Variants in DAB1 observed in about 807,000 individuals in gnomAD.
DAB1 encodes the protein DAB adaptor protein 1.
DAB1 carries 15 observed loss-of-function variants against 64.6 expected under a neutral mutation model. The ratio of observed to expected loss-of-function variants is 0.23; its 90% CI spans 0.16 to 0.36. The LOEUF is 0.36. Ranked by LOEUF, DAB1 falls within the 10% of genes least tolerant of loss-of-function variation. DAB1 has a pLI of 1.00. For synonymous variants in DAB1, 235 were observed against 251.9 expected (o/e 0.93, Z 0.64); for missense variants, 596 against 706.7 (o/e 0.84, Z 1.78).
Position 57,958,700 on chromosome 1 carries a change from T to C in DAB1, n.388-74538A>G, listed in dbSNP as rs144731319. Among the ~76,000 whole-genome samples, 149 of 152,216 alleles carry C rather than the reference T, an allele frequency of 9.8e-4. 3 individuals carry two copies. In the East Asian group the frequency reaches 0.024, roughly 25 times the overall value. On this transcript the variant is annotated intron_variant and non_coding_transcript_variant, in intron 5 of 20. Coordinates refer to the DAB1 transcript ENST00000485760. ...TGGGGGTAGAAGTCCACAATCAAGG[T>C]TTCAGCAGGGTGGATTCTTCTAAGG...
intron 2 of DAB1, among the ~76,000 whole-genome samples, chr1:57,210,883 C>A (rs1248824466): frequency 1.3e-5 from 2 of 152,278 alleles, no homozygotes; most frequent in African/African-American, 4.8e-5. Context: ...TACATCCATA[C>A]ACAAATAATA....
At chr1:58,162,988 G>A (rs900141170) in intron 4 of DAB1, among the ~76,000 whole-genome samples, 2 of 152,128 alleles carry the variant, frequency 1.3e-5, no homozygotes, top group Admixed American at 6.6e-5. Flanking sequence ...AGAGGACAGG[G>A]TGCTGCTAAA....
intron 7 of DAB1, among the ~76,000 whole-genome samples, chr1:57,438,975 C>T (rs901409091): frequency 3.3e-5 from 5 of 152,174 alleles, no homozygotes; most frequent in African/African-American, 9.7e-5. Flanking sequence ...TGACTCCACT[C>T]TCAGCTCTGG....
At chr1:57,715,534 A>G (rs758728300) in intron 6 of DAB1, among the ~76,000 whole-genome samples, 20 of 152,228 alleles carry the variant, frequency 1.3e-4, no homozygotes, top group African/African-American at 4.8e-5. Context: ...ATATATACGT[A>G]TCGAAAACTC....
intron 1 of DAB1, among the ~76,000 whole-genome samples, chr1:57,839,035 C>T (rs1652935333): frequency 6.6e-6 from 1 of 152,034 alleles, no homozygotes; most frequent in Non-Finnish European, 1.5e-5. Flanking sequence ...CCCATCTAGG[C>T]CTCCCAAAGT....
Position 58,429,201 on chromosome 1 carries a change from T to C in DAB1, n.257+76859A>G, listed in dbSNP as rs187573782. On this transcript the variant is annotated intron_variant and non_coding_transcript_variant, in intron 3 of 20. Transcript: ENST00000485760. ...AAGGAGGATCACTTGAGGACAGGAGTTCAAGACTAACATAACAAGACTCTG... is the reference window on the plus strand; with the variant it reads ...AAGGAGGATCACTTGAGGACAGGAGCTCAAGACTAACATAACAAGACTCTG... Among the ~76,000 whole-genome samples the C allele has an allele frequency of 9.9e-5, 15 of 152,032 alleles. No homozygotes were observed. The East Asian group carries it at 2.9e-3, about 29-fold the overall frequency.
At chr1:57,502,334 A>AG (rs982128932) in intron 7 of DAB1, among the ~76,000 whole-genome samples, 5 of 151,208 alleles carry the variant, frequency 3.3e-5, no homozygotes, top group African/African-American at 4.8e-5. Context: ...AAAAAAAAAA[A>AG]AAAAGAAAGA....
At chr1:58,168,134 A>G (rs913983945) in intron 4 of DAB1, among the ~76,000 whole-genome samples, 1 of 152,164 alleles carries the variant, frequency 6.6e-6, no homozygotes, top group Middle Eastern at 3.2e-3. Context: ...GTTAAAAGAG[A>G]CTAGCACAGC....
intron 7 of DAB1, among the ~76,000 whole-genome samples, chr1:57,069,780 C>T (rs184486533): frequency 1.8e-3 from 267 of 152,258 alleles, no homozygotes; most frequent in African/African-American, 5.9e-3. Context: ...CCTGGGATCC[C>T]AAACTTTGTA....
intron 3 of DAB1, among the ~76,000 whole-genome samples, chr1:58,480,202 G>C (rs1288929588): frequency 6.6e-6 from 1 of 152,110 alleles, no homozygotes; most frequent in Admixed American, 6.6e-5. Flanking sequence ...CTTGGGGACA[G>C]TGCCTTGCCT....
intron 7 of DAB1, among the ~76,000 whole-genome samples, chr1:57,492,408 AAG>A (rs1644176554): frequency 1.3e-5 from 2 of 152,216 alleles, no homozygotes; most frequent in African/African-American, 4.8e-5. Flanking sequence ...CTAATATACA[AAG>A]AGATTCATAG....
At chr1:57,064,386 G>A (rs1317260580) in intron 8 of DAB1, among the ~76,000 whole-genome samples, 1 of 152,166 alleles carries the variant, frequency 6.6e-6, no homozygotes, top group East Asian at 1.9e-4. Flanking sequence ...AATAATGTGA[G>A]CTAACATGGA....
chr1:57,923,629 T>C (rs1026134108), intron 5 of DAB1, among the ~76,000 whole-genome samples: 2 of 152,220 alleles, frequency 1.3e-5, no homozygotes, highest in Non-Finnish European at 2.9e-5. Flanking sequence ...TTACAGTTCC[T>C]GAGCCATGCT....
intron 7 of DAB1, among the ~76,000 whole-genome samples, chr1:57,461,387 C>T (rs1686774393): frequency 6.6e-6 from 1 of 152,174 alleles, no homozygotes; most frequent in South Asian, 2.1e-4. Flanking sequence ...AAACCCACTC[C>T]ACTTTAAACT....
intron 6 of DAB1, among the ~76,000 whole-genome samples, chr1:57,789,374 A>G (rs1282114197): frequency 6.6e-6 from 1 of 152,232 alleles, no homozygotes; most frequent in Non-Finnish European, 1.5e-5. Context: ...TAGTCAGCTC[A>G]GGCTGATATA....
At chr1:57,611,872 C>T (rs1318340869) in intron 7 of DAB1, among the ~76,000 whole-genome samples, 1 of 152,208 alleles carries the variant, frequency 6.6e-6, no homozygotes, top group Non-Finnish European at 1.5e-5. Flanking sequence ...CTAAGGTCTT[C>T]CTATTGCACT....
intron 5 of DAB1, among the ~76,000 whole-genome samples, chr1:58,060,541 A>C (rs1395617225): frequency 6.6e-6 from 1 of 152,204 alleles, no homozygotes; most frequent in East Asian, 1.9e-4. Flanking sequence ...GATAAGTGGA[A>C]GGGTAAATTG....
intron 9 of DAB1, among the ~76,000 whole-genome samples, chr1:57,028,280 T>A (rs1646856321): frequency 6.6e-6 from 1 of 152,236 alleles, no homozygotes; most frequent in Non-Finnish European, 1.5e-5. Flanking sequence ...TGCTTCTTCC[T>A]CACTTTCCCT....
chr1:57,795,690 G>GATAGATATAT (rs1553129769), intron 6 of DAB1, among the ~76,000 whole-genome samples: 2 of 69,098 alleles, frequency 2.9e-5, no homozygotes, highest in East Asian at 9.6e-4. Flanking sequence ...TATGCTTGGA[G>GATAGATATAT]ATATATATAT....
Sources: gnomAD v4.1 joint callset for allele counts (sites outside exome capture counted in the v4.1 genomes callset) on GRCh38, gnomAD v4.1.1 for gene constraint, MANE v1.5 for transcripts, NCBI Gene and HGNC (gene_info 2026-07-23, HGNC 2026-07-21) for gene names.